CRTAM: variants seen among roughly 807,000 people sequenced by gnomAD.
CRTAM encodes the protein cytotoxic and regulatory T cell molecule.
Under a neutral mutation model 50.0 loss-of-function variants are expected in CRTAM, and 44 were observed. That is an observed-to-expected ratio of 0.88 (90% CI 0.69 to 1.13). The LOEUF is 1.13. CRTAM is among the 50% of genes most tolerant of loss of function. CRTAM has a pLI of 0.00. For synonymous variants in CRTAM, 159 were observed against 169.3 expected, an observed-to-expected ratio of 0.94 and a Z score of 0.47; for missense variants, 448 against 457.5, an observed-to-expected ratio of 0.98 and a Z score of 0.19.
At position 122,848,161 on chromosome 11, in the gene CRTAM, A is replaced by G. The variant is rs184845740; in HGVS notation, c.47-1907A>G. Among the ~76,000 whole-genome samples, 445 of 152,352 alleles carry G rather than the reference A, an allele frequency of 2.9e-3. 2 individuals carry two copies. Among genetic ancestry groups the G allele is most frequent in the Non-Finnish European group, 2.9e-3 (195 of 68,016 alleles). On this transcript the variant is annotated intron_variant, in intron 1 of 9. Coordinates refer to ENST00000227348, the MANE Select transcript of CRTAM (RefSeq NM_019604.4). ...AATTAGTAGTGAATGAGGCCAGGAC[A>G]CAAACTCCCTGAGTGAGTCTAACAT... is the stretch of plus-strand genomic sequence containing the variant.
At chr11:122,841,259 G>A (rs568440684) in intron 1 of CRTAM, among the ~76,000 whole-genome samples, 1 of 152,266 alleles carries the variant, frequency 6.6e-6, no homozygotes, top group Non-Finnish European at 1.5e-5. Flanking sequence ...TGACAGTCAT[G>A]TAACTAGGGC....
intron 1 of CRTAM, among the ~76,000 whole-genome samples, chr11:122,838,885 C>CCTA (rs1861764767): frequency 6.6e-6 from 1 of 152,060 alleles, no homozygotes; most frequent in African/African-American, 2.4e-5. Flanking sequence ...CTTTTAAGGG[C>CCTA]ATACCAGTTG....
intron 1 of CRTAM, among the ~76,000 whole-genome samples, chr11:122,841,786 T>C (rs1401732035): frequency 1.3e-5 from 2 of 152,152 alleles, no homozygotes; most frequent in Admixed American, 6.6e-5. Flanking sequence ...AGCTTTTCCA[T>C]AAGGAGTTTG....
At chr11:122,857,620 C>T (rs1223760427) in intron 5 of CRTAM, among the ~76,000 whole-genome samples, 2 of 152,236 alleles carry the variant, frequency 1.3e-5, no homozygotes, top group Non-Finnish European at 2.9e-5. Flanking sequence ...ATTTGGCTAG[C>T]TGCTACTATA....
chr11:122,851,665 A>T, intron 2 of CRTAM, 28 bp from the exon 3 acceptor site: 1 of 1,612,074 alleles, frequency 6.2e-7, no homozygotes, highest in Non-Finnish European at 8.5e-7. Flanking sequence ...ATCTTTCCTC[A>T]TAACAGCTCT....
At chr11:122,870,822 T>C (rs1222080068) in intron 9 of CRTAM, among the ~76,000 whole-genome samples, 2 of 152,238 alleles carry the variant, frequency 1.3e-5, no homozygotes, top group Non-Finnish European at 2.9e-5. Flanking sequence ...CTTATGCCTA[T>C]AATCCCAGGA....
Position 122,851,692 on chromosome 11 carries a change from G to T in CRTAM, c.194-1G>T. ...AACAGCTCTATTTCCCTCTTGTACAGCTTTAAAAAATTCCAAATACCAGCT... is the reference window on the plus strand; with the variant it reads ...AACAGCTCTATTTCCCTCTTGTACATCTTTAAAAAATTCCAAATACCAGCT... On this transcript the variant is annotated splice_acceptor_variant, in intron 2 of 9. Transcript: ENST00000227348. LOFTEE classifies it high-confidence loss of function. 6.2e-7 allele frequency: 1 copy of T among 1,614,018 alleles called. No homozygotes were observed. Among genetic ancestry groups the T allele is most frequent in the Non-Finnish European group, 8.5e-7 (1 of 1,179,914 alleles).
At chr11:122,849,820 C>T (rs1380916767) in intron 1 of CRTAM, among the ~76,000 whole-genome samples, 1 of 152,130 alleles carries the variant, frequency 6.6e-6, no homozygotes, top group Admixed American at 6.6e-5. Flanking sequence ...TGTAGTTTGA[C>T]CTTCCCTGTC....
At position 122,867,008 on chromosome 11, in the gene CRTAM, A is replaced by G. The variant is rs530319724; in HGVS notation, c.818-401A>G. Among the ~76,000 whole-genome samples, 103 of 152,296 alleles carry G rather than the reference A, an allele frequency of 6.8e-4. 1 individual carries two copies. In the South Asian group the frequency reaches 0.012, roughly 18 times the overall value. On this transcript the variant is annotated intron_variant, in intron 7 of 9. Coordinates refer to ENST00000227348, the MANE Select transcript of CRTAM (RefSeq NM_019604.4). ...ATAAATAAATTTTCATTTTATTTGG[A>G]TAGTTTTTTAAACTCCTTAACAATC...
chr11:122,851,885 G>T, intron 3 of CRTAM, 40 bp downstream of exon 3: 1 of 1,589,930 alleles, frequency 6.3e-7, no homozygotes, highest in South Asian at 1.1e-5. Flanking sequence ...GAGCAATATG[G>T]ATAGGAACAC....
At chr11:122,861,071 A>G (rs1862066820) in intron 5 of CRTAM, among the ~76,000 whole-genome samples, 1 of 152,116 alleles carries the variant, frequency 6.6e-6, no homozygotes. Context: ...TTTCATTGCC[A>G]GCAGCTCTCC....
At chr11:122,858,183 G>A (rs1310557764) in intron 5 of CRTAM, among the ~76,000 whole-genome samples, 1 of 152,054 alleles carries the variant, frequency 6.6e-6, no homozygotes, top group Non-Finnish European at 1.5e-5. Context: ...AAAGTGCTGG[G>A]ATTACAGGCA....
At chr11:122,854,207 G>C (rs1407642497) in intron 4 of CRTAM, 121 bp downstream of exon 4, 12 of 943,340 alleles carry the variant, frequency 1.3e-5, no homozygotes, top group Non-Finnish European at 1.7e-5. Context: ...TATTTCATCA[G>C]CTCTTTTCCA....
intron 1 of CRTAM, among the ~76,000 whole-genome samples, chr11:122,838,913 AATTTT>A (rs879447522): frequency 1.3e-5 from 2 of 151,058 alleles, no homozygotes; most frequent in Non-Finnish European, 2.9e-5. Flanking sequence ...ATCCGTATTG[AATTTT>A]ATTTTATTTT....
At chr11:122,849,301 C>T (rs1861901546) in intron 1 of CRTAM, among the ~76,000 whole-genome samples, 1 of 152,230 alleles carries the variant, frequency 6.6e-6, no homozygotes, top group African/African-American at 2.4e-5. Context: ...GATGTAGTTA[C>T]ATAAACACGG....
Position 122,855,837 on chromosome 11 carries a change from C to A in CRTAM, c.633C>A (p.Pro211=). ...TGCAAGGGAGAAAACTAGTAGCACC[C>A]TTCCGGTTTGAAGATTTGGGTAAGA... ...RGLQGRKLVA[P]FRFEDLVTDE... is the part of the protein sequence containing the mutation. The change falls in exon 5 of 10, where the codon CCC becomes CCA. Residue 211 remains proline, a synonymous_variant. Coordinates refer to ENST00000227348, the MANE Select transcript of CRTAM (RefSeq NM_019604.4). 4 of 1,612,656 alleles carry A rather than the reference C, an allele frequency of 2.5e-6. No individual in the cohort carries two copies. The highest frequency in any genetic ancestry group is 2.5e-6 in the Non-Finnish European group (3 of 1,179,578).
At position 122,858,770 on chromosome 11, in the gene CRTAM, C is replaced by G. The variant is rs376361474; in HGVS notation, c.652+2914C>G. Among the ~76,000 whole-genome samples the G allele has an allele frequency of 3.3e-5, 5 of 152,206 alleles. No homozygotes were observed. The East Asian group carries it at 7.7e-4, about 24-fold the overall frequency. ...TCTGAACTCCTGGGCTTAAGTAATCCTCCCTCATCGGCCACCCAAAGCACT... is the reference window on the plus strand; with the variant it reads ...TCTGAACTCCTGGGCTTAAGTAATCGTCCCTCATCGGCCACCCAAAGCACT... On this transcript the variant is annotated intron_variant, in intron 5 of 9. Transcript: ENST00000227348.
At chr11:122,855,889 T>C (rs1217924793) in intron 5 of CRTAM, 33 bp downstream of exon 5, 1 of 1,565,824 alleles carries the variant, frequency 6.4e-7, no homozygotes, top group Non-Finnish European at 8.8e-7. Context: ...TTGAATAATT[T>C]TTGATTTACT....
intron 9 of CRTAM, among the ~76,000 whole-genome samples, chr11:122,868,805 G>A (rs1031527125): frequency 4.6e-5 from 7 of 152,054 alleles, no homozygotes; most frequent in Admixed American, 1.3e-4. Context: ...TCAGGAGATC[G>A]AGACCATCCT....
Sources: gnomAD v4.1 joint callset for allele counts (sites outside exome capture counted in the v4.1 genomes callset) on GRCh38, gnomAD v4.1.1 for gene constraint, MANE v1.5 for transcripts, NCBI Gene and HGNC (gene_info 2026-07-23, HGNC 2026-07-21) for gene names.